Variants in NAA25 observed in about 807,000 individuals in gnomAD.
NAA25 encodes the protein N-alpha-acetyltransferase 25, NatB auxiliary subunit, also known as N-terminal acetyltransferase B complex subunit NAA25.
In NAA25, 30 loss-of-function variants were observed where a neutral mutation model predicts 132.5. The ratio of observed to expected loss-of-function variants is 0.23; its 90% confidence interval spans 0.17 to 0.31. The LOEUF (loss-of-function observed/expected upper bound fraction) is 0.31. NAA25 is among the 10% of genes least tolerant of loss of function. The pLI, the probability that NAA25 is intolerant of heterozygous loss-of-function variation, is 1.00. For synonymous variants in NAA25, 359 were observed against 401.9 expected (o/e 0.89, Z 1.28); for missense variants, 771 against 1,150.4 (o/e 0.67, Z 4.77).
At chr12:112,074,832 T>C (rs2078872557) in intron 8 of NAA25, 68 bp from the exon 9 acceptor site, 4 of 1,039,992 alleles carry the variant, frequency 3.8e-6, no homozygotes, top group East Asian at 5.0e-5. Context: ...TTAGGAACCA[T>C]GATATTCAAT....
In NAA25 at chr12:112,075,671, T is replaced by C. The variant is rs1387642566; in HGVS notation, c.776+7A>G. On this transcript the variant is annotated splice_region_variant and intron_variant, in intron 8 of 23. Coordinates refer to ENST00000261745, the MANE Select transcript of NAA25 (RefSeq NM_024953.4). The stretch of plus-strand genomic sequence containing the variant: ...GTCAAATGGTACAAAAGAAAGCTTT[T>C]ACTCACTTTTTTAGTAAGAGGCGCC... The C allele has an allele frequency of 3.7e-6, 6 of 1,609,430 alleles. No homozygotes were observed. The highest frequency in any genetic ancestry group is 5.1e-6 in the Non-Finnish European group (6 of 1,175,880).
intron 20 of NAA25, among the ~76,000 whole-genome samples, chr12:112,041,498 CTTATA>C (rs1160215772): frequency 6.6e-6 from 1 of 152,006 alleles, no homozygotes; most frequent in Non-Finnish European, 1.5e-5. Flanking sequence ...CAGAAAGACT[CTTATA>C]GATACAAGAT....
At chr12:112,048,883 A>G (rs559573045) in intron 15 of NAA25, among the ~76,000 whole-genome samples, 1 of 149,026 alleles carries the variant, frequency 6.7e-6, no homozygotes, top group East Asian at 2.0e-4. Flanking sequence ...CGCCCCCCCA[A>G]ATAAAAACCA....
intron 1 of NAA25, among the ~76,000 whole-genome samples, chr12:112,106,455 C>T (rs1372766284): frequency 1.3e-5 from 2 of 152,060 alleles, no homozygotes; most frequent in Non-Finnish European, 2.9e-5. Flanking sequence ...ACTATGAACC[C>T]TGGATTCAGT....
chr12:112,071,768 T>C (rs191415223), intron 10 of NAA25, 127 bp downstream of exon 10: 3 of 620,900 alleles, frequency 4.8e-6, no homozygotes, highest in South Asian at 7.4e-5. Flanking sequence ...CATTAGCAAA[T>C]ATTTTCAGGC....
At chr12:112,054,647 T>C in intron 13 of NAA25, 79 bp from the exon 14 acceptor site, 5 of 1,289,688 alleles carry the variant, frequency 3.9e-6, no homozygotes, top group Non-Finnish European at 4.3e-6. Flanking sequence ...AAAACCTTAT[T>C]GACATCATCA....
intron 1 of NAA25, among the ~76,000 whole-genome samples, chr12:112,104,677 A>C (rs924068129): frequency 1.3e-5 from 2 of 152,072 alleles, no homozygotes; most frequent in African/African-American, 4.8e-5. Flanking sequence ...TCTACTAAAA[A>C]TACAAAAAAT....
At chr12:112,078,558 G>T in intron 6 of NAA25, 76 bp downstream of exon 6, 1 of 1,311,490 alleles carries the variant, frequency 7.6e-7, no homozygotes, top group Non-Finnish European at 1.1e-6. Flanking sequence ...CAAAACAACA[G>T]TTCATAGTAT....
chr12:112,090,571 T>C, intron 3 of NAA25, 155 bp downstream of exon 3: 1 of 613,606 alleles, frequency 1.6e-6, no homozygotes, highest in South Asian at 2.6e-5. Flanking sequence ...TAAACTATCC[T>C]TTCTATCTAC....
chr12:112,068,790 G>T (rs993094920), intron 11 of NAA25, 90 bp downstream of exon 11: 18 of 693,926 alleles, frequency 2.6e-5, no homozygotes, highest in Admixed American at 2.4e-4. Context: ...TATCAATTCC[G>T]CACATTTTAG....
intron 1 of NAA25, among the ~76,000 whole-genome samples, chr12:112,096,021 C>T (rs974632675): frequency 6.6e-6 from 1 of 152,054 alleles, no homozygotes; most frequent in African/African-American, 2.4e-5. Flanking sequence ...TGGTAACAAA[C>T]GTATATGAAT....
chr12:112,091,515 A>T (rs2079130804), intron 2 of NAA25, among the ~76,000 whole-genome samples: 1 of 152,140 alleles, frequency 6.6e-6, no homozygotes, highest in African/African-American at 2.4e-5. Flanking sequence ...CAACGTGGTG[A>T]GATCCCATTT....
intron 13 of NAA25, among the ~76,000 whole-genome samples, chr12:112,058,978 G>A (rs1018189459): frequency 2.0e-5 from 3 of 151,122 alleles, no homozygotes. Flanking sequence ...GGAGGCTGAG[G>A]CAGGAGAATG....
chr12:112,051,033 TA>T (rs1308164636), intron 15 of NAA25, among the ~76,000 whole-genome samples: 2 of 152,188 alleles, frequency 1.3e-5, no homozygotes, highest in African/African-American at 2.4e-5. Context: ...ATGCATAGTA[TA>T]GAGCTCTGGA....
In NAA25 at chr12:112,059,075, C is replaced by CAAAAAAAAA. The variant is rs530305102; in HGVS notation, c.1447+1186_1447+1194dup. On this transcript the variant is annotated intron_variant, in intron 13 of 23. Coordinates refer to ENST00000261745, the MANE Select transcript of NAA25 (RefSeq NM_024953.4). ...GGCGACAGAGCGAGACTCCATCTCA[C>CAAAAAAAAA]AAAAAAAAAAAAAAAAAAAAAAAAA... Among the ~76,000 whole-genome samples, 5 of 63,282 alleles carry CAAAAAAAAA rather than the reference C, an allele frequency of 7.9e-5. 1 individual carries two copies. Among genetic ancestry groups the CAAAAAAAAA allele is most frequent in the African/African-American group, 1.3e-4 (3 of 22,710 alleles). The allele number at this position is 63,282 out of a possible 152,430, so 41.5% of individuals were successfully genotyped here.
rs1032141379 is a variant in NAA25 at position 112,071,911 on chromosome 12, G to T, written c.1020C>A (p.Asn340Lys). 1 of 1,613,150 alleles carries T rather than the reference G, an allele frequency of 6.2e-7. No individual in the cohort carries two copies. Among genetic ancestry groups the T allele is most frequent in the Non-Finnish European group, 8.5e-7 (1 of 1,179,772 alleles). ...GTTTCTTACCCAGTTTGTACTCATC[G>T]TTACAACCTTGACTTCGTAAACGCC... Reference protein sequence around the residue: ...LIRRLRSQGCNDEYKLGDPEE... With the variant: ...LIRRLRSQGCKDEYKLGDPEE... The change falls in exon 10 of 24, where the codon AAC becomes AAA. Residue 340 changes from asparagine (N) to lysine (K), a missense_variant. By Grantham distance (94) the Asn-to-Lys change is moderately conservative (BLOSUM62 0). This residue lies in a region of NAA25 where 417 missense variants were observed against 733.8 expected (regional missense o/e 0.57). Transcript: ENST00000261745.
intron 19 of NAA25, 44 bp downstream of exon 19, chr12:112,043,044 A>G: frequency 6.6e-7 from 1 of 1,519,318 alleles, no homozygotes; most frequent in Non-Finnish European, 8.9e-7. Flanking sequence ...CGTGTACTAC[A>G]TTTTCTATGA....
chr12:112,058,697 G>C (rs1281493689), intron 13 of NAA25, among the ~76,000 whole-genome samples: 2 of 152,108 alleles, frequency 1.3e-5, no homozygotes, highest in African/African-American at 4.8e-5. Flanking sequence ...GCCGCGGCGG[G>C]TGGATCACCT....
At chr12:112,062,418 G>T (rs2078646545) in intron 11 of NAA25, among the ~76,000 whole-genome samples, 1 of 145,344 alleles carries the variant, frequency 6.9e-6, no homozygotes, top group South Asian at 2.2e-4. Flanking sequence ...AAAAAAAAAA[G>T]TTATAAAAGA....
Sources: gnomAD v4.1 joint callset for allele counts (sites outside exome capture counted in the v4.1 genomes callset) on GRCh38, gnomAD v4.1.1 for gene constraint, gnomAD v4.1.1 regional missense constraint, MANE v1.5 for transcripts, NCBI Gene and HGNC (gene_info 2026-07-23, HGNC 2026-07-21) for gene names.